The following P2RY14 variants were observed in gnomAD, a reference collection of about 807,000 sequenced individuals.
The protein encoded by P2RY14 is P2Y purinoceptor 14.
In P2RY14, 2 loss-of-function variants were observed where a neutral mutation model predicts 0.9. The observed-to-expected ratio is 2.16, with a 90% CI of 0.88 to 6.79. The LOEUF is 6.79. Ranked by LOEUF, P2RY14 falls within the 30% of genes most tolerant of loss-of-function variation. P2RY14 has a pLI of 0.05. For synonymous variants in P2RY14, 158 were observed against 147.2 expected (o/e 1.07, Z -0.53); for missense variants, 378 against 400.1 (o/e 0.94, Z 0.47).
intron 2 of P2RY14, among the ~76,000 whole-genome samples, chr3:151,219,319 C>T (rs1042560608): frequency 1.3e-5 from 2 of 152,156 alleles, no homozygotes; most frequent in African/African-American, 2.4e-5. Context: ...TCCAGAAATA[C>T]GTTCATCTTA....
intron 1 of P2RY14, among the ~76,000 whole-genome samples, chr3:151,225,675 G>C (rs1478057590): frequency 6.6e-6 from 1 of 152,090 alleles, no homozygotes; most frequent in Non-Finnish European, 1.5e-5. Context: ...TGGCACTCTT[G>C]TCCGTGCCCT....
intron 1 of P2RY14, among the ~76,000 whole-genome samples, chr3:151,240,258 G>T (rs1733816969): frequency 6.6e-6 from 1 of 152,162 alleles, no homozygotes; most frequent in Non-Finnish European, 1.5e-5. Context: ...GTTTTTTGTG[G>T]GAATGATGGC....
At chr3:151,247,712 GTAAC>G (rs1735923378) in intron 1 of P2RY14, among the ~76,000 whole-genome samples, 1 of 147,384 alleles carries the variant, frequency 6.8e-6, no homozygotes, top group Admixed American at 6.9e-5. Context: ...GTATACATAT[GTAAC>G]TAACCTGCAC....
chr3:151,246,659 A>G (rs1290431673), intron 1 of P2RY14, among the ~76,000 whole-genome samples: 2 of 152,252 alleles, frequency 1.3e-5, no homozygotes, highest in Non-Finnish European at 1.5e-5. Flanking sequence ...ACCTACAACC[A>G]TAAAAACCCT....
At position 151,213,919 on chromosome 3, in the gene P2RY14, T is replaced by A. The variant is rs1173953168; in HGVS notation, c.398A>T (p.Gln133Leu). ...IVKPLWTSFI[Q>L]SVSYSKLLSV... ...CAGAAGTTTGCTGTAACTCACTGACTGGATGAAAGAAGTCCAAAGAGGCTT... is the reference window on the plus strand; with the variant it reads ...CAGAAGTTTGCTGTAACTCACTGACAGGATGAAAGAAGTCCAAAGAGGCTT... Residue 133 changes from glutamine (Q) to leucine (L), a missense_variant, in exon 3 of 3, where the codon CAG (glutamine) becomes CTG (leucine). By Grantham distance (113) the Gln-to-Leu change is moderately radical. Transcript: ENST00000309170. 1 of 1,614,176 alleles carries A rather than the reference T, an allele frequency of 6.2e-7. No individual in the cohort carries two copies. The highest frequency in any genetic ancestry group is 1.7e-5 in the Admixed American group (1 of 60,026).
chr3:151,267,372 C>T (rs1325114345), intron 1 of P2RY14, among the ~76,000 whole-genome samples: 1 of 152,106 alleles, frequency 6.6e-6, no homozygotes, highest in Non-Finnish European at 1.5e-5. Flanking sequence ...ATTTAAGTAG[C>T]TAATCACAAA....
chr3:151,241,063 A>G (rs1733974179), intron 1 of P2RY14, among the ~76,000 whole-genome samples: 2 of 152,074 alleles, frequency 1.3e-5, no homozygotes, highest in South Asian at 2.1e-4. Context: ...ACGGGGGACT[A>G]TACTCATGGG....
intron 1 of P2RY14, among the ~76,000 whole-genome samples, chr3:151,254,976 T>C (rs1737553849): frequency 6.6e-6 from 1 of 152,216 alleles, no homozygotes; most frequent in South Asian, 2.1e-4. Context: ...GCCTTGCTGC[T>C]CTTTTTTTTG....
intron 1 of P2RY14, among the ~76,000 whole-genome samples, 198 bp from the exon 2 acceptor site, chr3:151,219,840 T>A (rs1728971393): frequency 6.6e-6 from 1 of 151,014 alleles, no homozygotes; most frequent in South Asian, 2.1e-4. Context: ...TGTGGGAAAC[T>A]TAAACTCTGA....
intron 1 of P2RY14, among the ~76,000 whole-genome samples, chr3:151,240,428 A>G (rs1577078292): frequency 6.6e-6 from 1 of 152,348 alleles, no homozygotes; most frequent in East Asian, 1.9e-4. Context: ...TTTTAATTGA[A>G]TAGCTGCTGC....
intron 1 of P2RY14, among the ~76,000 whole-genome samples, chr3:151,251,533 A>C (rs992189704): frequency 4.6e-5 from 7 of 152,208 alleles, no homozygotes; most frequent in African/African-American, 1.7e-4. Flanking sequence ...AAATACAAGC[A>C]GCACTGTGTC....
chr3:151,265,719 C>T (rs767283093), intron 1 of P2RY14, among the ~76,000 whole-genome samples: 6 of 152,240 alleles, frequency 3.9e-5, no homozygotes, highest in South Asian at 2.1e-4. Flanking sequence ...TCCAGGGAGA[C>T]GGATGGTGTC....
intron 1 of P2RY14, among the ~76,000 whole-genome samples, chr3:151,265,639 G>A (rs751578908): frequency 6.6e-6 from 1 of 152,068 alleles, no homozygotes. Context: ...CTTTTTATAC[G>A]GAGGAATCTG....
intron 2 of P2RY14, among the ~76,000 whole-genome samples, chr3:151,216,792 G>C (rs1241441795): frequency 6.6e-6 from 1 of 152,124 alleles, no homozygotes; most frequent in Non-Finnish European, 1.5e-5. Flanking sequence ...TAAGGGAGGG[G>C]GAGCACATTT....
chr3:151,223,275 A>C (rs1729778075), intron 1 of P2RY14, among the ~76,000 whole-genome samples: 1 of 152,128 alleles, frequency 6.6e-6, no homozygotes, highest in Non-Finnish European at 1.5e-5. Flanking sequence ...TATTGAAAGC[A>C]GTGTAGAGAT....
chr3:151,214,872 TG>T (rs1360317448), intron 2 of P2RY14, among the ~76,000 whole-genome samples: 4 of 152,198 alleles, frequency 2.6e-5, no homozygotes, highest in African/African-American at 9.7e-5. Context: ...CCATGTGTAA[TG>T]TATTTTTTTA....
chr3:151,271,440 G>A (rs537303456), intron 1 of P2RY14, among the ~76,000 whole-genome samples: 22 of 152,184 alleles, frequency 1.4e-4, no homozygotes, highest in Admixed American at 6.5e-5. Flanking sequence ...TTTGAATAAC[G>A]GGTCACTTCT....
At chr3:151,252,406 C>T (rs1737034828) in intron 1 of P2RY14, among the ~76,000 whole-genome samples, 1 of 152,086 alleles carries the variant, frequency 6.6e-6, no homozygotes, top group African/African-American at 2.4e-5. Context: ...CAACTTCTGG[C>T]ATAAATACTG....
chr3:151,251,324 C>T (rs1251633519), intron 1 of P2RY14, among the ~76,000 whole-genome samples: 1 of 152,128 alleles, frequency 6.6e-6, no homozygotes, highest in Non-Finnish European at 1.5e-5. Context: ...CCCAAGCTGT[C>T]AACAATTAAA....
Sources: gnomAD v4.1 joint callset for allele counts (sites outside exome capture counted in the v4.1 genomes callset) on GRCh38, gnomAD v4.1.1 for gene constraint, MANE v1.5 for transcripts, NCBI Gene and HGNC (gene_info 2026-07-23, HGNC 2026-07-21) for gene names.